The following DNAH10 variants were observed in gnomAD, a reference collection of about 807,000 sequenced individuals.
DNAH10 encodes the protein axonemal beta dynein heavy chain 10.
In DNAH10, 348 loss-of-function variants were observed where a neutral mutation model predicts 506.6. The ratio of observed to expected loss-of-function variants is 0.69; its 90% CI spans 0.63 to 0.75. The LOEUF (loss-of-function observed/expected upper bound fraction) is 0.75. DNAH10 is among the 30% of genes least tolerant of loss of function. DNAH10 has a pLI of 0.00. For synonymous variants in DNAH10, 2,059 were observed against 2,198.6 expected (o/e 0.94, Z 1.78); for missense variants, 5,179 against 5,787.1 (o/e 0.89, Z 3.41).
At chr12:123,878,760 G>A (rs770959365) in intron 48 of DNAH10, among the ~76,000 whole-genome samples, 1 of 152,174 alleles carries the variant, frequency 6.6e-6, no homozygotes, top group Non-Finnish European at 1.5e-5. Flanking sequence ...TTAGCTGAGT[G>A]TGGTGGTATG....
chr12:123,860,320 C>CT (rs1224304758), intron 38 of DNAH10, among the ~76,000 whole-genome samples: 4 of 152,232 alleles, frequency 2.6e-5, no homozygotes, highest in Non-Finnish European at 4.4e-5. Context: ...CTTACTGACT[C>CT]TAAGTGGGCT....
At chr12:123,837,405 TTAG>T (rs1333938701) in intron 28 of DNAH10, among the ~76,000 whole-genome samples, 5 of 151,242 alleles carry the variant, frequency 3.3e-5, no homozygotes, top group Admixed American at 3.3e-4. Context: ...ACAGAATACT[TTAG>T]AAATTACAAA....
chr12:123,898,010 T>C, intron 55 of DNAH10, 43 bp downstream of exon 55: 1 of 1,507,458 alleles, frequency 6.6e-7, no homozygotes, highest in Non-Finnish European at 8.8e-7. Context: ...TCATTATTAT[T>C]TATGGGTAAG....
At chr12:123,876,532 A>G (rs950591230) in intron 47 of DNAH10, among the ~76,000 whole-genome samples, 2 of 152,170 alleles carry the variant, frequency 1.3e-5, no homozygotes, top group African/African-American at 4.8e-5. Context: ...ACTTGGGAGG[A>G]TGAGGCAGGA....
At chr12:123,872,213 C>T (rs562997067) in intron 45 of DNAH10, among the ~76,000 whole-genome samples, 6 of 152,128 alleles carry the variant, frequency 3.9e-5, no homozygotes, top group East Asian at 1.9e-4. Context: ...TCCAATGTGT[C>T]GGGGGTCGGA....
Position 123,881,603 on chromosome 12 carries a change from CTTT to C in DNAH10, c.8635-11_8635-9del, listed in dbSNP as rs34756279. On this transcript the variant is annotated intron_variant, in intron 50 of 78. Coordinates refer to ENST00000673944, the MANE Select transcript of DNAH10 (RefSeq NM_001372106.1). Reference sequence around the variant, plus strand: ...AACCCACCATGCTGGGTTTTGAATTCTTTTTTTTTTTTTAAATGCAGGAAATTC... The same window carrying C: ...AACCCACCATGCTGGGTTTTGAATTCTTTTTTTTTTAAATGCAGGAAATTC... The C allele has an allele frequency of 2.8e-4, 397 of 1,425,858 alleles. No homozygotes were observed. Among genetic ancestry groups the C allele is most frequent in the Admixed American group, 1.2e-3 (44 of 35,378 alleles). 88.3% of individuals were successfully genotyped at this position (1,425,858 alleles called of 1,614,324 possible).
intron 11 of DNAH10, among the ~76,000 whole-genome samples, chr12:123,790,874 C>T (rs977759436): frequency 6.6e-6 from 1 of 152,100 alleles, no homozygotes; most frequent in South Asian, 2.1e-4. Context: ...CCTGTCATGC[C>T]AACACTTTGG....
At position 123,894,628 on chromosome 12, in the gene DNAH10, C is replaced by CT; in HGVS notation, c.9200-14dup. On this transcript the variant is annotated splice_polypyrimidine_tract_variant and intron_variant, in intron 53 of 78. Coordinates refer to ENST00000673944, the MANE Select transcript of DNAH10 (RefSeq NM_001372106.1). Reference sequence around the variant, plus strand: ...CAGGCTGGGAGCATCTTTTTAATCTCTCTTTCCTTTCAAGGTATGGTAAAT... The same window carrying CT: ...CAGGCTGGGAGCATCTTTTTAATCTCTTCTTTCCTTTCAAGGTATGGTAAAT... 1 of 1,612,532 alleles carries CT rather than the reference C, an allele frequency of 6.2e-7. No homozygotes were observed. Among genetic ancestry groups the CT allele is most frequent in the Non-Finnish European group, 8.5e-7 (1 of 1,178,630 alleles).
At chr12:123,808,664 T>C in intron 18 of DNAH10, 133 bp from the exon 19 acceptor site, 1 of 837,866 alleles carries the variant, frequency 1.2e-6, no homozygotes, top group South Asian at 1.8e-5. Flanking sequence ...CACCCCAGCC[T>C]GTCTAGGACA....
chr12:123,919,005 G>A lies in DNAH10; in HGVS notation c.11506+56G>A. On this transcript the variant is annotated intron_variant, in intron 65 of 78. Coordinates refer to ENST00000673944, the MANE Select transcript of DNAH10 (RefSeq NM_001372106.1). The surrounding 1 kb of genome is among the most constrained non-coding windows in gnomAD (Gnocchi z 4.9). ...AGTGTAGTTTGGTGTGCCAGACGTG[G>A]CTTTAAGGAAACGTGATCTGTGAAA... 6.8e-7 allele frequency: 1 copy of A among 1,478,830 alleles called. No homozygotes were observed. Among genetic ancestry groups the A allele is most frequent in the Non-Finnish European group, 9.0e-7 (1 of 1,110,480 alleles). 91.6% of individuals were successfully genotyped at this position (1,478,830 alleles called of 1,614,324 possible).
chr12:123,933,553 A>G (rs372660445), intron 77 of DNAH10, 42 bp downstream of exon 77: 25 of 1,536,726 alleles, frequency 1.6e-5, no homozygotes, highest in Non-Finnish European at 2.0e-5. Context: ...CTCACTTAGG[A>G]TTTCTCTCCC....
rs776863676 is a variant in DNAH10, at chr12:123,785,560, C to T, written c.1231-186C>T. On this transcript the variant is annotated intron_variant, in intron 8 of 78. Coordinates refer to ENST00000673944, the MANE Select transcript of DNAH10 (RefSeq NM_001372106.1). The surrounding 1 kb of genome is among the most constrained non-coding windows in gnomAD (Gnocchi z 4.1). ...CTGAGGTGGGAGGATCACTTGAGTC[C>T]GCAGGGGAGTCGAGGCTGCAGTAAG... Among the ~76,000 whole-genome samples the T allele has an allele frequency of 1.3e-5, 2 of 151,208 alleles. No homozygotes were observed. Among genetic ancestry groups the T allele is most frequent in the Non-Finnish European group, 2.9e-5 (2 of 67,900 alleles).
chr12:123,828,906 G>A (rs1397042825), intron 25 of DNAH10, among the ~76,000 whole-genome samples: 1 of 152,154 alleles, frequency 6.6e-6, no homozygotes, highest in Non-Finnish European at 1.5e-5. Context: ...AAAGGACTGG[G>A]CGGGAACTGG....
intron 57 of DNAH10, chr12:123,908,229 T>C (rs1034535023): frequency 1.4e-5 from 6 of 419,860 alleles, no homozygotes; most frequent in Non-Finnish European, 2.4e-5. Flanking sequence ...CCTGTCTTCC[T>C]GTCTCCTCCC....
At chr12:123,829,352 G>A (rs1444387113) in intron 25 of DNAH10, among the ~76,000 whole-genome samples, 1 of 152,202 alleles carries the variant, frequency 6.6e-6, no homozygotes, top group African/African-American at 2.4e-5. Context: ...CACCTCTGGG[G>A]CACTTGCACA....
chr12:123,875,233 G>A lies in DNAH10; in HGVS notation c.7941G>A (p.Val2647=), dbSNP rs1347259505. The A allele has an allele frequency of 1.2e-6, 2 of 1,607,042 alleles. No homozygotes were observed. Among genetic ancestry groups the A allele is most frequent in the South Asian group, 1.1e-5 (1 of 90,026 alleles). Residue 2647 remains valine (V), a splice_region_variant and synonymous_variant, in exon 47 of 79, where the codon GTG becomes GTA. Coordinates refer to ENST00000673944, the MANE Select transcript of DNAH10 (RefSeq NM_001372106.1). ...VFMDDMNMPR[V]DEYGTQQPIA... ...TTTCTTTTTTAAAAAAAATCAAGGT[G>A]GATGAATATGGCACGCAGCAGCCCA...
Position 123,813,902 on chromosome 12 carries a change from A to G in DNAH10, c.3770A>G (p.Tyr1257Cys). The change falls in exon 21 of 79, where the codon TAT becomes TGT. Residue 1257 changes from tyrosine (Y) to cysteine (C), a missense_variant. Coordinates refer to ENST00000673944, the MANE Select transcript of DNAH10 (RefSeq NM_001372106.1). Reference protein sequence around the residue: ...VQERYRTMAMYNLFPPDAEKE... With the variant: ...VQERYRTMAMCNLFPPDAEKE... ...GAGCGATACCGTACCATGGCAATGTATAACCTCTTTGTAAGTCAACTTGTA... is the reference window on the plus strand; with the variant it reads ...GAGCGATACCGTACCATGGCAATGTGTAACCTCTTTGTAAGTCAACTTGTA... 1 of 1,583,724 alleles carries G rather than the reference A, an allele frequency of 6.3e-7. No homozygotes were observed. The highest frequency in any genetic ancestry group is 1.2e-5 in the South Asian group (1 of 85,182).
intron 12 of DNAH10, among the ~76,000 whole-genome samples, chr12:123,794,874 G>A (rs566102105): frequency 6.9e-6 from 1 of 144,812 alleles, no homozygotes; most frequent in African/African-American, 2.6e-5. Flanking sequence ...CTGGCCAGTC[G>A]CTGTGACTCA....
intron 30 of DNAH10, among the ~76,000 whole-genome samples, chr12:123,845,048 G>A (rs888002866): frequency 2.0e-5 from 3 of 152,150 alleles, no homozygotes; most frequent in African/African-American, 7.2e-5. Flanking sequence ...GCCTTGCTCT[G>A]TCACTCAGGT....
Sources: allele counts gnomAD v4.1 joint callset (sites outside exome capture counted in the v4.1 genomes callset), GRCh38; gene constraint gnomAD v4.1.1; non-coding constraint Gnocchi (gnomAD v3.1); transcripts MANE v1.5; gene names NCBI Gene and HGNC (gene_info 2026-07-23, HGNC 2026-07-21).